KCTD8: variants seen among roughly 807,000 people sequenced by gnomAD.
The protein encoded by KCTD8 is BTB/POZ domain-containing protein KCTD8.
KCTD8 carries 27 observed loss-of-function variants against 31.5 expected under a neutral mutation model. The observed-to-expected ratio is 0.86, with a 90% confidence interval of 0.63 to 1.18. The LOEUF (loss-of-function observed/expected upper bound fraction) is 1.18. Ranked by LOEUF, KCTD8 falls within the 50% of genes most tolerant of loss-of-function variation. The probability of loss-of-function intolerance (pLI) is 0.00; values close to 1 mark genes in which losing one functional copy is unlikely to be tolerated. For synonymous variants in KCTD8, 290 were observed against 280.0 expected (o/e 1.04, Z -0.36); for missense variants, 658 against 647.7 (o/e 1.02, Z -0.17).
At chr4:44,286,415 C>G (rs1010962180) in intron 1 of KCTD8, among the ~76,000 whole-genome samples, 4 of 151,936 alleles carry the variant, frequency 2.6e-5, no homozygotes, top group Non-Finnish European at 4.4e-5. Flanking sequence ...CTGTTTAAAC[C>G]CTTTATAACA....
intron 1 of KCTD8, among the ~76,000 whole-genome samples, chr4:44,296,049 G>T (rs80180052): frequency 2.6e-5 from 4 of 152,014 alleles, no homozygotes; most frequent in African/African-American, 9.7e-5. Context: ...AATTCTTATA[G>T]GATCATATTT....
At chr4:44,196,780 C>T (rs1713954833) in intron 1 of KCTD8, among the ~76,000 whole-genome samples, 2 of 152,152 alleles carry the variant, frequency 1.3e-5, no homozygotes, top group African/African-American at 4.8e-5. Context: ...CCCTCCTTTC[C>T]TGGGCCTCTA....
intron 1 of KCTD8, among the ~76,000 whole-genome samples, chr4:44,357,089 C>CAA (rs11368270): frequency 7.0e-4 from 100 of 143,482 alleles, no homozygotes; most frequent in African/African-American, 2.4e-3. Flanking sequence ...GCATTTGAGG[C>CAA]AAAAAAAAAA....
chr4:44,265,604 G>A (rs908938978), intron 1 of KCTD8, among the ~76,000 whole-genome samples: 12 of 152,274 alleles, frequency 7.9e-5, no homozygotes, highest in African/African-American at 2.6e-4. Context: ...CGAGCTACAG[G>A]AGGAAATTCA....
intron 1 of KCTD8, among the ~76,000 whole-genome samples, chr4:44,199,527 A>C (rs1026914929): frequency 6.6e-6 from 1 of 152,128 alleles, no homozygotes; most frequent in Non-Finnish European, 1.5e-5. Context: ...TAATATGTGG[A>C]AATTAATCAA....
chr4:44,400,497 G>C (rs1026421325), intron 1 of KCTD8, among the ~76,000 whole-genome samples: 2 of 151,980 alleles, frequency 1.3e-5, no homozygotes, highest in African/African-American at 2.4e-5. Context: ...GGGAGGCCGT[G>C]GTGGGTGGAT....
At chr4:44,372,906 A>C (rs1290536005) in intron 1 of KCTD8, among the ~76,000 whole-genome samples, 1 of 152,188 alleles carries the variant, frequency 6.6e-6, no homozygotes, top group Non-Finnish European at 1.5e-5. Flanking sequence ...CAGCTGTATC[A>C]ATGGCTTTAG....
At chr4:44,367,150 T>C (rs1034604812) in intron 1 of KCTD8, among the ~76,000 whole-genome samples, 1 of 152,048 alleles carries the variant, frequency 6.6e-6, no homozygotes, top group Non-Finnish European at 1.5e-5. Context: ...CCCCTTCCCC[T>C]AGTTAACTTC....
At chr4:44,411,742 T>A (rs949265602) in intron 1 of KCTD8, among the ~76,000 whole-genome samples, 1 of 151,798 alleles carries the variant, frequency 6.6e-6, no homozygotes, top group African/African-American at 2.4e-5. Context: ...CAGAGAGAGA[T>A]AAGGAAGAAG....
chr4:44,228,683 A>G (rs1382614687), intron 1 of KCTD8, among the ~76,000 whole-genome samples: 1 of 152,060 alleles, frequency 6.6e-6, no homozygotes, highest in African/African-American at 2.4e-5. Context: ...CTGAAACACT[A>G]TTACCCCCCA....
chr4:44,278,626 T>G (rs1456938229), intron 1 of KCTD8, among the ~76,000 whole-genome samples: 3 of 152,060 alleles, frequency 2.0e-5, no homozygotes, highest in Admixed American at 6.6e-5. Context: ...CTTTAAAATT[T>G]TGTAGACTTG....
intron 1 of KCTD8, among the ~76,000 whole-genome samples, chr4:44,283,190 C>T (rs535328529): frequency 2.7e-4 from 41 of 151,938 alleles, no homozygotes; most frequent in East Asian, 7.8e-4. Context: ...GTTGGGATTA[C>T]GGGCATATGC....
intron 1 of KCTD8, among the ~76,000 whole-genome samples, chr4:44,311,500 T>A (rs1021358697): frequency 6.6e-6 from 1 of 152,096 alleles, no homozygotes; most frequent in African/African-American, 2.4e-5. Context: ...GGAAGCTATA[T>A]TTTAAAATTC....
chr4:44,216,445 C>G (rs1714654242), intron 1 of KCTD8, among the ~76,000 whole-genome samples: 1 of 152,024 alleles, frequency 6.6e-6, no homozygotes, highest in Non-Finnish European at 1.5e-5. Context: ...GTAGAAGGCA[C>G]TATTAATCCA....
intron 1 of KCTD8, among the ~76,000 whole-genome samples, chr4:44,214,332 C>T (rs532752428): frequency 6.6e-6 from 1 of 152,268 alleles, no homozygotes; most frequent in East Asian, 1.9e-4. Flanking sequence ...AACTCTTTAG[C>T]TCCTGCTTTC....
chr4:44,181,220 TTTCCACGGTCTCC>T (rs1713376572), intron 1 of KCTD8, among the ~76,000 whole-genome samples: 1 of 100,570 alleles, frequency 9.9e-6, no homozygotes, highest in African/African-American at 4.0e-5. Context: ...TCTCCCTCTC[TTTCCACGGTCTCC>T]CTCTCCCTCT....
chr4:44,312,840 T>C (rs1717994902), intron 1 of KCTD8, among the ~76,000 whole-genome samples: 1 of 152,168 alleles, frequency 6.6e-6, no homozygotes, highest in Non-Finnish European at 1.5e-5. Flanking sequence ...ATGAACTAGC[T>C]GGGGCCAGGA....
At chr4:44,226,535 T>C (rs1714969027) in intron 1 of KCTD8, among the ~76,000 whole-genome samples, 1 of 152,236 alleles carries the variant, frequency 6.6e-6, no homozygotes, top group South Asian at 2.1e-4. Flanking sequence ...GAATAATTTA[T>C]AATCCTTTGG....
intron 1 of KCTD8, among the ~76,000 whole-genome samples, chr4:44,265,143 C>G (rs566866296): frequency 6.0e-4 from 91 of 152,260 alleles, no homozygotes; most frequent in African/African-American, 1.9e-3. Flanking sequence ...AGGCACCCCC[C>G]AGTAGGGGCA....
Sources: allele counts gnomAD v4.1 joint callset (sites outside exome capture counted in the v4.1 genomes callset), GRCh38; gene constraint gnomAD v4.1.1; transcripts MANE v1.5; gene names NCBI Gene and HGNC (gene_info 2026-07-23, HGNC 2026-07-21).